Variants in HCN1 observed in about 807,000 individuals in gnomAD.
HCN1 encodes the protein hyperpolarization activated cyclic nucleotide gated potassium channel 1.
A neutral mutation model predicts 78.9 loss-of-function variants in HCN1; 13 were observed. That is an observed-to-expected ratio of 0.16 (90% CI 0.11 to 0.26). The LOEUF (loss-of-function observed/expected upper bound fraction) is 0.26, where lower values mean the gene tolerates loss of function less well. Ranked by LOEUF, HCN1 falls within the 10% of genes least tolerant of loss-of-function variation. The pLI is 1.00. For synonymous variants in HCN1, 552 were observed against 455.5 expected, an observed-to-expected ratio of 1.21 and a Z score of -2.70; for missense variants, 810 against 1,154.3, an observed-to-expected ratio of 0.70 and a Z score of 4.32.
At chr5:45,483,538 T>G (rs2111680733) in intron 2 of HCN1, among the ~76,000 whole-genome samples, 1 of 152,318 alleles carries the variant, frequency 6.6e-6, no homozygotes, top group East Asian at 1.9e-4. Context: ...GTCGGATGCA[T>G]AGTTTCGAAT....
chr5:45,450,275 AC>A (rs1740891137), intron 3 of HCN1, among the ~76,000 whole-genome samples: 1 of 152,242 alleles, frequency 6.6e-6, no homozygotes, highest in South Asian at 2.1e-4. Context: ...AAACAATGAA[AC>A]TGAAGCAAAG....
chr5:45,303,655 C>T lies in HCN1; in HGVS notation c.1562G>A (p.Gly521Asp). ...KMYFIQHGVA[G>D]VITKSSKEMK... ...TTCTTTACTGGATTTTGTAATGACACCAGCAACACCGTGTTGAATGAAATA... is the reference window on the plus strand; with the variant it reads ...TTCTTTACTGGATTTTGTAATGACATCAGCAACACCGTGTTGAATGAAATA... Residue 521 changes from glycine (G) to aspartate (D), a missense_variant, in exon 6 of 8, where the codon GGT becomes GAT. Gly to Asp is a moderately conservative substitution (Grantham distance 94, BLOSUM62 -1). Coordinates refer to ENST00000303230, the MANE Select transcript of HCN1 (RefSeq NM_021072.4). 2.5e-6 allele frequency: 4 copies of T among 1,613,368 alleles called. No individual in the cohort carries two copies. The highest frequency in any genetic ancestry group is 3.4e-6 in the Non-Finnish European group (4 of 1,179,582).
chr5:45,372,137 A>AATTATATATTATATATATATAAT (rs1561127996), intron 4 of HCN1, among the ~76,000 whole-genome samples: 17 of 54,280 alleles, frequency 3.1e-4, no homozygotes, highest in Admixed American at 3.6e-4. Context: ...TATATAATAT[A>AATTATATATTATATATATATAAT]ATAATATATT....
At position 45,502,311 on chromosome 5, in the gene HCN1, A is replaced by AG. The variant is rs796913984; in HGVS notation, c.850-40305_850-40304insC. 1.3e-4 allele frequency among the ~76,000 whole-genome samples: 20 copies of AG among 151,872 alleles called. 1 individual carries two copies. Among genetic ancestry groups the AG allele is most frequent in the African/African-American group, 4.8e-4 (20 of 41,482 alleles). ...GGTGAAACCCCATCTCTACTAAAAA[A>AG]AAAAAACAAAACAACAAAAAAATAG... On this transcript the variant is annotated intron_variant, in intron 2 of 7. Coordinates refer to ENST00000303230, the MANE Select transcript of HCN1 (RefSeq NM_021072.4).
intron 6 of HCN1, among the ~76,000 whole-genome samples, chr5:45,279,089 T>C (rs1745114375): frequency 6.6e-6 from 1 of 152,132 alleles, no homozygotes. Context: ...GCAAATAAAA[T>C]CTGGAAAGAA....
Position 45,653,026 on chromosome 5 carries a change from A to G in HCN1, c.426-7418T>C, listed in dbSNP as rs142179954. ...TATCCACTAGACTTTCCTATTGCTTACAAAATGAAATGTAACCACTCAAAA... is the reference window on the plus strand; with the variant it reads ...TATCCACTAGACTTTCCTATTGCTTGCAAAATGAAATGTAACCACTCAAAA... On this transcript the variant is annotated intron_variant, in intron 1 of 7. Coordinates refer to ENST00000303230, the MANE Select transcript of HCN1 (RefSeq NM_021072.4). Among the ~76,000 whole-genome samples the G allele has an allele frequency of 2.6e-3, 403 of 152,166 alleles. 1 individual carries two copies. Among genetic ancestry groups the G allele is most frequent in the African/African-American group, 9.2e-3 (382 of 41,540 alleles).
At position 45,502,188 on chromosome 5, in the gene HCN1, C is replaced by T. The variant is rs897898011; in HGVS notation, c.850-40181G>A. The stretch of plus-strand genomic sequence containing the variant: ...TATCCTTAACAATGACAAAATGAAG[C>T]CGGGTGTCGTGGCTCACATCTATAA... On this transcript the variant is annotated intron_variant, in intron 2 of 7. Coordinates refer to ENST00000303230, the MANE Select transcript of HCN1 (RefSeq NM_021072.4). Among the ~76,000 whole-genome samples, 4 of 151,950 alleles carry T rather than the reference C, an allele frequency of 2.6e-5. No homozygotes were observed. In the South Asian group the frequency reaches 8.3e-4, roughly 32 times the overall value.
chr5:45,656,234 G>A (rs2112048214), intron 1 of HCN1, among the ~76,000 whole-genome samples: 1 of 152,264 alleles, frequency 6.6e-6, no homozygotes, highest in South Asian at 2.1e-4. Flanking sequence ...AGGAGTTCCG[G>A]GGGTTGCATG....
chr5:45,465,492 C>T (rs1269938432), intron 2 of HCN1, among the ~76,000 whole-genome samples: 1 of 152,060 alleles, frequency 6.6e-6, no homozygotes, highest in Non-Finnish European at 1.5e-5. Context: ...TGCGGGGGCT[C>T]ACACCTGTAA....
At chr5:45,494,794 A>T (rs1215373844) in intron 2 of HCN1, among the ~76,000 whole-genome samples, 2 of 152,138 alleles carry the variant, frequency 1.3e-5, no homozygotes, top group Non-Finnish European at 2.9e-5. Context: ...TAAGGAAGGG[A>T]TCCAGTTTCA....
intron 2 of HCN1, among the ~76,000 whole-genome samples, chr5:45,582,727 T>G (rs1311532105): frequency 6.6e-6 from 1 of 152,230 alleles, no homozygotes; most frequent in East Asian, 1.9e-4. Context: ...GTTTTTAGCA[T>G]GAAGGGTTGT....
chr5:45,570,215 G>C (rs960270076), intron 2 of HCN1, among the ~76,000 whole-genome samples: 1 of 150,306 alleles, frequency 6.7e-6, no homozygotes, highest in African/African-American at 2.5e-5. Context: ...TTCCTCTCTC[G>C]CTTTCTTTTT....
intron 2 of HCN1, among the ~76,000 whole-genome samples, chr5:45,484,827 G>T (rs998281450): frequency 3.3e-5 from 5 of 152,144 alleles, no homozygotes; most frequent in Non-Finnish European, 5.9e-5. Context: ...CAATGTGAAT[G>T]TCAGTGTTTG....
intron 2 of HCN1, among the ~76,000 whole-genome samples, chr5:45,626,526 C>A (rs114528579): frequency 0.016 from 2,428 of 152,090 alleles, 64 homozygotes; most frequent in African/African-American, 0.056. Context: ...CAAACAAAGA[C>A]TCATGATGTG....
chr5:45,258,063 A>G lies in HCN1; in HGVS notation c.*3858T>C, dbSNP rs1262258806. 1 of 152,188 alleles carries G rather than the reference A, an allele frequency of 6.6e-6. No individual in the cohort carries two copies. The highest frequency in any genetic ancestry group is 2.4e-5 in the African/African-American group (1 of 41,432). 9.4% of individuals were successfully genotyped at this position (152,188 alleles called of 1,614,324 possible). A position where few individuals can be genotyped will look rare whatever the true frequency, so the allele number is the denominator to read the frequency against. On this transcript the variant is annotated 3_prime_UTR_variant, in exon 8 of 8. Coordinates refer to ENST00000303230, the MANE Select transcript of HCN1 (RefSeq NM_021072.4). ...GCACATGTTCTAAAAAGATAAAGAT[A>G]TAATGGAGAGATATCTCATTCAAAC...
chr5:45,314,947 T>G (rs1745946854), intron 5 of HCN1, among the ~76,000 whole-genome samples: 1 of 152,020 alleles, frequency 6.6e-6, no homozygotes, highest in African/African-American at 2.4e-5. Flanking sequence ...AGACCTAGAC[T>G]CCCAAACAAT....
chr5:45,636,613 T>G (rs1745360383), intron 2 of HCN1, among the ~76,000 whole-genome samples: 1 of 152,084 alleles, frequency 6.6e-6, no homozygotes, highest in East Asian at 1.9e-4. Context: ...TTTGGGAGGC[T>G]GAGGTGGGAG....
chr5:45,366,895 A>T (rs1396722331), intron 4 of HCN1, among the ~76,000 whole-genome samples: 2 of 151,804 alleles, frequency 1.3e-5, no homozygotes, highest in African/African-American at 4.8e-5. Flanking sequence ...GGTACTTATC[A>T]AGTCTGAATG....
At chr5:45,694,722 C>G (rs182733348) in intron 1 of HCN1, among the ~76,000 whole-genome samples, 1 of 152,092 alleles carries the variant, frequency 6.6e-6, no homozygotes, top group African/African-American at 2.4e-5. Context: ...ATCGTGCACA[C>G]GCTAATAAGA....
Sources: allele counts gnomAD v4.1 joint callset (sites outside exome capture counted in the v4.1 genomes callset), GRCh38; gene constraint gnomAD v4.1.1; transcripts MANE v1.5; gene names NCBI Gene and HGNC (gene_info 2026-07-23, HGNC 2026-07-21).